ANO6: variants seen among roughly 807,000 people sequenced by gnomAD.
ANO6 encodes anoctamin-6.
ANO6 carries 106 observed loss-of-function variants against 117.5 expected under a neutral mutation model. That is an observed-to-expected ratio of 0.90 (90% CI 0.77 to 1.06). The LOEUF (loss-of-function observed/expected upper bound fraction) is 1.06. ANO6 is among the 50% of genes least tolerant of loss of function. The pLI is 0.00. For synonymous variants in ANO6, 367 were observed against 385.1 expected, an observed-to-expected ratio of 0.95 and a Z score of 0.55; for missense variants, 955 against 1,121.1, an observed-to-expected ratio of 0.85 and a Z score of 2.12.
intron 1 of ANO6, among the ~76,000 whole-genome samples, chr12:45,227,014 A>T (rs1333725533): frequency 8.2e-6 from 1 of 122,600 alleles, no homozygotes; most frequent in African/African-American, 3.2e-5. Flanking sequence ...TTGAAGATGG[A>T]GTCTTGCTCT....
chr12:45,292,005 TATAAC>T (rs1465226991), intron 1 of ANO6, among the ~76,000 whole-genome samples: 2 of 152,198 alleles, frequency 1.3e-5, no homozygotes, highest in African/African-American at 4.8e-5. Flanking sequence ...CAGATACTTG[TATAAC>T]AGTGCTCGTT....
intron 7 of ANO6, among the ~76,000 whole-genome samples, chr12:45,352,560 TA>T (rs5797940): frequency 0.52 from 49,242 of 93,810 alleles, 12,373 homozygotes; most frequent in East Asian, 0.8. Flanking sequence ...GATCCAGTCT[TA>T]AAAAAAAAAA....
Position 45,389,701 on chromosome 12 carries a change from T to G in ANO6, c.1309-720T>G, listed in dbSNP as rs1266249693. The stretch of plus-strand genomic sequence containing the variant: ...ATGTCTGACCACAGCAACTTACTAG[T>G]TGGGTGATCTTGGACCAATTAGTTA... On this transcript the variant is annotated intron_variant, in intron 11 of 19. Coordinates refer to ENST00000320560, the MANE Select transcript of ANO6 (RefSeq NM_001025356.3). Among the ~76,000 whole-genome samples, 3 of 152,190 alleles carry G rather than the reference T, an allele frequency of 2.0e-5. No homozygotes were observed. In the East Asian group the frequency reaches 5.8e-4, roughly 29 times the overall value.
intron 8 of ANO6, among the ~76,000 whole-genome samples, chr12:45,364,429 G>A (rs2137497537): frequency 6.6e-6 from 1 of 152,242 alleles, no homozygotes; most frequent in South Asian, 2.1e-4. Flanking sequence ...CTTCTATAAT[G>A]TATGTGTTGG....
At chr12:45,319,052 C>A (rs1445290556) in intron 2 of ANO6, among the ~76,000 whole-genome samples, 3 of 152,160 alleles carry the variant, frequency 2.0e-5, no homozygotes, top group Non-Finnish European at 4.4e-5. Context: ...ACAATCATGT[C>A]ATCTGCAAAC....
intron 1 of ANO6, chr12:45,228,123 G>GTTTT (rs57127691): frequency 3.3e-4 from 93 of 283,894 alleles, no homozygotes; most frequent in Non-Finnish European, 3.7e-4. Context: ...TTTTTGTGTT[G>GTTTT]TTTTTTTTTT....
intron 1 of ANO6, among the ~76,000 whole-genome samples, chr12:45,233,212 T>C (rs927787362): frequency 2.6e-5 from 4 of 152,224 alleles, no homozygotes; most frequent in Non-Finnish European, 4.4e-5. Context: ...GACTCTGATA[T>C]GCTTCTCTCA....
At chr12:45,305,780 T>A (rs560729839) in intron 2 of ANO6, among the ~76,000 whole-genome samples, 1 of 152,214 alleles carries the variant, frequency 6.6e-6, no homozygotes, top group South Asian at 2.1e-4. Flanking sequence ...TGCATGTGGT[T>A]GCATGCAGGA....
chr12:45,224,023 A>G (rs186555256), intron 1 of ANO6, among the ~76,000 whole-genome samples: 1 of 152,168 alleles, frequency 6.6e-6, no homozygotes, highest in Non-Finnish European at 1.5e-5. Flanking sequence ...TGCTGAGTGT[A>G]TGTATTTTAC....
chr12:45,385,265 G>A (rs1942267547), intron 10 of ANO6, among the ~76,000 whole-genome samples: 1 of 152,136 alleles, frequency 6.6e-6, no homozygotes, highest in South Asian at 2.1e-4. Context: ...CAGAAGAAGG[G>A]TTGACAAAGG....
chr12:45,231,087 AC>A (rs139322876), intron 1 of ANO6, among the ~76,000 whole-genome samples: 94 of 152,338 alleles, frequency 6.2e-4, no homozygotes, highest in Non-Finnish European at 1.3e-3. Context: ...AGCCTGGGCC[AC>A]AAAACAAGAT....
intron 12 of ANO6, among the ~76,000 whole-genome samples, chr12:45,397,151 A>C (rs1334576640): frequency 2.0e-5 from 3 of 152,198 alleles, no homozygotes; most frequent in African/African-American, 7.2e-5. Context: ...TTTACAAGAA[A>C]ACAACCCCAT....
intron 12 of ANO6, among the ~76,000 whole-genome samples, chr12:45,400,313 C>G (rs1489284310): frequency 6.6e-6 from 1 of 152,048 alleles, no homozygotes. Context: ...ATAATAAACA[C>G]CCTGTATGTA....
intron 2 of ANO6, among the ~76,000 whole-genome samples, chr12:45,326,224 A>G (rs1940457478): frequency 6.6e-6 from 1 of 152,184 alleles, no homozygotes; most frequent in Admixed American, 6.6e-5. Context: ...CCTTGCATAC[A>G]AGGCATTTCA....
At chr12:45,309,675 C>T (rs1939787696) in intron 2 of ANO6, among the ~76,000 whole-genome samples, 2 of 122,428 alleles carry the variant, frequency 1.6e-5, no homozygotes, top group South Asian at 6.2e-4. Context: ...ATGGTCAATC[C>T]AAGACCTTTC....
At chr12:45,372,685 C>A (rs1941880035) in intron 9 of ANO6, among the ~76,000 whole-genome samples, 1 of 151,964 alleles carries the variant, frequency 6.6e-6, no homozygotes, top group Non-Finnish European at 1.5e-5. Flanking sequence ...ACCACCAGGC[C>A]TGCCCTAAAA....
At chr12:45,236,634 GAC>G (rs565579985) in intron 1 of ANO6, among the ~76,000 whole-genome samples, 1 of 152,210 alleles carries the variant, frequency 6.6e-6, no homozygotes, top group Non-Finnish European at 1.5e-5. Context: ...ACCACTGATG[GAC>G]ATTTGGGTTG....
intron 1 of ANO6, among the ~76,000 whole-genome samples, chr12:45,300,337 C>T (rs1175237288): frequency 3.9e-5 from 6 of 152,114 alleles, no homozygotes; most frequent in Admixed American, 1.3e-4. Context: ...CACACCATCA[C>T]GCCCGGCTAA....
intron 1 of ANO6, among the ~76,000 whole-genome samples, chr12:45,279,717 T>C (rs1175852493): frequency 6.6e-6 from 1 of 152,256 alleles, no homozygotes; most frequent in Admixed American, 6.5e-5. Context: ...ATTATTTCTG[T>C]TCCATAAGAC....
Sources: allele counts gnomAD v4.1 joint callset (sites outside exome capture counted in the v4.1 genomes callset), GRCh38; gene constraint gnomAD v4.1.1; transcripts MANE v1.5; gene names NCBI Gene and HGNC (gene_info 2026-07-23, HGNC 2026-07-21).